The following BPIFB4 variants were observed in gnomAD, a reference collection of about 807,000 sequenced individuals.
BPIFB4 encodes the protein BPI fold-containing family B member 4.
In BPIFB4, 62 loss-of-function variants were observed where a neutral mutation model predicts 69.2. The ratio of observed to expected loss-of-function variants is 0.90; its 90% confidence interval spans 0.73 to 1.11. The LOEUF (loss-of-function observed/expected upper bound fraction) is 1.11. Ranked by LOEUF, BPIFB4 falls within the 50% of genes least tolerant of loss-of-function variation. The pLI, the probability that BPIFB4 is intolerant of heterozygous loss-of-function variation, is 0.00. For missense variants in BPIFB4, 789 were observed against 792.0 expected, an observed-to-expected ratio of 1.00 and a Z score of 0.04; for synonymous variants, 330 against 332.7, an observed-to-expected ratio of 0.99 and a Z score of 0.09.
At chr20:33,083,210 G>A (rs1232842069) in intron 4 of BPIFB4, among the ~76,000 whole-genome samples, 157 bp from the exon 5 acceptor site, 10 of 121,942 alleles carry the variant, frequency 8.2e-5, no homozygotes, top group African/African-American at 3.2e-4. Context: ...CAGTGGTGGG[G>A]GGTTGCTGGG....
In BPIFB4 at chr20:33,083,710, G is replaced by T. The variant is rs1569000061; in HGVS notation, c.513G>T (p.Leu171Phe). The T allele has an allele frequency of 6.2e-7, 1 of 1,613,986 alleles. No homozygotes were observed. The highest frequency in any genetic ancestry group is 1.7e-5 in the Admixed American group (1 of 60,018). ...VATGAVGPGG[L>F]LGTGGMLAAD... ...CTGGGGCGGTGGGCCCAGGTGGTTT[G>T]CTGGGCACTGGAGGCATGCTGGCAG... The change falls in exon 5 of 18, where the codon TTG becomes TTT. Residue 171 changes from leucine to phenylalanine, a missense_variant. Leu to Phe is a conservative substitution (Grantham distance 22, BLOSUM62 0). Transcript: ENST00000375483.
chr20:33,089,583 C>T (rs527315479), intron 9 of BPIFB4, 25 bp downstream of exon 9: 1 of 1,614,180 alleles, frequency 6.2e-7, no homozygotes, highest in South Asian at 1.1e-5. Context: ...CTTTCTCCAG[C>T]CTGGGGAAGG....
chr20:33,100,626 G>A (rs1333534995), intron 14 of BPIFB4, 133 bp downstream of exon 14: 6 of 733,910 alleles, frequency 8.2e-6, no homozygotes, highest in Non-Finnish European at 1.3e-5. Flanking sequence ...AGGTGACGAT[G>A]GCTCATGCCT....
At chr20:33,088,816 G>T (rs2424949) in intron 7 of BPIFB4, 150 bp from the exon 8 acceptor site, 692,341 of 1,379,406 alleles carry the variant, frequency 0.5, 178,796 homozygotes, top group East Asian at 0.83. Flanking sequence ...CCAAGGTGAA[G>T]GTACTCTGTC....
chr20:33,082,878 T>G lies in BPIFB4; in HGVS notation c.107-60T>G, dbSNP rs1981275442. 4.6e-6 allele frequency: 7 copies of G among 1,518,116 alleles called. No individual in the cohort carries two copies. In the South Asian group the frequency reaches 7.9e-5, roughly 17 times the overall value. 94.0% of individuals were successfully genotyped at this position (1,518,116 alleles called of 1,614,324 possible). A position where few individuals can be genotyped will look rare whatever the true frequency, so the allele number is the denominator to read the frequency against. On this transcript the variant is annotated intron_variant, in intron 3 of 17. Transcript: ENST00000375483. ...CTGAGCAACACTGCGAGGTGCTGCC[T>G]GGGGGCTGGAGGTGGAAAAAAGGGA...
Position 33,092,501 on chromosome 20 carries a change from T to C in BPIFB4, c.1187T>C (p.Leu396Ser), listed in dbSNP as rs1273448426. ...EAGGGLIDYP[L>S]GWPAVSPKPM... ...GGAGGAGGACTCATCGACTACCCAT[T>C]GGGGTGGCCAGCTGTGTCTCCCAAG... is the stretch of plus-strand genomic sequence containing the variant. Residue 396 changes from leucine (L) to serine (S), a missense_variant, in exon 11 of 18, where the codon TTG becomes TCG. By Grantham distance (145) the Leu-to-Ser change is moderately radical (BLOSUM62 -2). Around this residue, in one of 3 missense-constraint regions of BPIFB4, gnomAD observed 611 missense variants for 575.4 expected, o/e 1.06. Coordinates refer to ENST00000375483, the MANE Select transcript of BPIFB4 (RefSeq NM_182519.3). 1.2e-6 allele frequency: 2 copies of C among 1,614,032 alleles called. No individual in the cohort carries two copies. The highest frequency in any genetic ancestry group is 3.3e-5 in the Admixed American group (2 of 60,010).
chr20:33,090,675 G>A, intron 9 of BPIFB4, 33 bp from the exon 10 acceptor site: 1 of 1,611,562 alleles, frequency 6.2e-7, no homozygotes, highest in South Asian at 1.1e-5. Flanking sequence ...GATGGTGAGG[G>A]GACCTCCCTG....
intron 14 of BPIFB4, among the ~76,000 whole-genome samples, chr20:33,100,857 A>T (rs1393199332): frequency 6.6e-6 from 1 of 152,178 alleles, no homozygotes. Flanking sequence ...CTCTACAAAA[A>T]TAGAAAAATT....
At chr20:33,082,697 A>G (rs551756946) in intron 3 of BPIFB4, among the ~76,000 whole-genome samples, 110 of 152,342 alleles carry the variant, frequency 7.2e-4, no homozygotes, top group Non-Finnish European at 3.1e-4. Context: ...AAGAAAATCC[A>G]TGAAGGGCTG....
At chr20:33,085,301 A>G (rs1981391370) in intron 6 of BPIFB4, among the ~76,000 whole-genome samples, 1 of 152,104 alleles carries the variant, frequency 6.6e-6, no homozygotes, top group Non-Finnish European at 1.5e-5. Flanking sequence ...CTAAAAATAC[A>G]AAAATGGGCT....
intron 16 of BPIFB4, among the ~76,000 whole-genome samples, chr20:33,106,031 T>C (rs952711361): frequency 3.3e-5 from 5 of 152,182 alleles, no homozygotes; most frequent in Non-Finnish European, 7.3e-5. Context: ...CCGAGCAAGT[T>C]TGGGAAGTGC....
rs762829849 is a variant in BPIFB4 at position 33,097,733 on chromosome 20, G to A, written c.1515G>A (p.Glu505=). 3 of 1,614,204 alleles carry A rather than the reference G, an allele frequency of 1.9e-6. No individual in the cohort carries two copies. The highest frequency in any genetic ancestry group is 2.5e-6 in the Non-Finnish European group (3 of 1,180,024). ...KALVKVLATA[E]VMVSQPKDLE... is the part of the protein sequence containing the mutation. ...TGGTGAAGGTGTTGGCCACTGCCGA[G>A]GTCATGGTCTCCCAGCCCAAAGACC... Residue 505 remains glutamate, a synonymous_variant, in exon 13 of 18, where the codon GAG becomes GAA. Transcript: ENST00000375483.
intron 5 of BPIFB4, 103 bp from the exon 6 acceptor site, chr20:33,084,789 G>A: frequency 6.7e-7 from 1 of 1,485,778 alleles, no homozygotes; most frequent in Non-Finnish European, 8.9e-7. Context: ...AGAGTCAGAA[G>A]GAACAGACGG....
intron 12 of BPIFB4, among the ~76,000 whole-genome samples, chr20:33,096,437 G>C (rs1194033043): frequency 6.6e-6 from 1 of 152,094 alleles, no homozygotes. Flanking sequence ...CACCATGCCT[G>C]GCTAATTTTA....
At chr20:33,086,346 G>A (rs998083169) in intron 7 of BPIFB4, among the ~76,000 whole-genome samples, 182 bp downstream of exon 7, 1 of 152,222 alleles carries the variant, frequency 6.6e-6, no homozygotes, top group South Asian at 2.1e-4. Flanking sequence ...CCTGGCACAT[G>A]CCTGATGGGA....
At chr20:33,096,080 G>A (rs1981744946) in intron 12 of BPIFB4, among the ~76,000 whole-genome samples, 2 of 152,152 alleles carry the variant, frequency 1.3e-5, no homozygotes, top group Admixed American at 1.3e-4. Flanking sequence ...TCTAGGGGGA[G>A]AACAAACTCA....
chr20:33,108,060 A>G (rs536516088), intron 17 of BPIFB4, among the ~76,000 whole-genome samples: 5 of 152,326 alleles, frequency 3.3e-5, no homozygotes, highest in African/African-American at 1.2e-4. Context: ...CATTGTTGCC[A>G]TCTTACAGAT....
intron 13 of BPIFB4, among the ~76,000 whole-genome samples, chr20:33,098,043 C>A (rs529490783): frequency 6.6e-6 from 1 of 152,238 alleles, no homozygotes; most frequent in South Asian, 2.1e-4. Flanking sequence ...TTGGCATTTC[C>A]TTCTGAGCCC....
At chr20:33,087,137 A>G (rs994119222) in intron 7 of BPIFB4, among the ~76,000 whole-genome samples, 2 of 152,216 alleles carry the variant, frequency 1.3e-5, no homozygotes, top group African/African-American at 4.8e-5. Flanking sequence ...GAGGAAAACC[A>G]TGGAAACCTC....
Sources: allele counts gnomAD v4.1 joint callset (sites outside exome capture counted in the v4.1 genomes callset), GRCh38; gene constraint gnomAD v4.1.1; regional missense constraint gnomAD v4.1.1; transcripts MANE v1.5; gene names NCBI Gene and HGNC (gene_info 2026-07-23, HGNC 2026-07-21).